SGO2: variants seen among roughly 807,000 people sequenced by gnomAD.
The protein encoded by SGO2 is shugoshin-like 2.
In SGO2, 68 loss-of-function variants were observed where a neutral mutation model predicts 99.5. That is an observed-to-expected ratio of 0.68 (90% CI 0.56 to 0.84). SGO2 has a LOEUF of 0.84. Ranked by LOEUF, SGO2 falls within the 40% of genes least tolerant of loss-of-function variation. SGO2 has a pLI of 0.00. For missense variants in SGO2, 1,350 were observed against 1,436.7 expected (o/e 0.94, Z 0.97); for synonymous variants, 457 against 487.1 (o/e 0.94, Z 0.81).
intron 2 of SGO2, chr2:200,533,433 T>C: frequency 4.7e-6 from 1 of 210,826 alleles, no homozygotes; most frequent in Non-Finnish European, 9.5e-6. Context: ...TGTTCTGGCA[T>C]GTTGTGGCAA....
chr2:200,554,640 C>G (rs1251730209), intron 5 of SGO2, among the ~76,000 whole-genome samples: 2 of 152,148 alleles, frequency 1.3e-5, no homozygotes, highest in African/African-American at 4.8e-5. Flanking sequence ...ATAACATACA[C>G]TAAGCCATAT....
rs777061908 is a variant in SGO2 at position 200,572,022 on chromosome 2, A to C, written c.1676A>C (p.Tyr559Ser). Residue 559 changes from tyrosine (Y) to serine (S), a missense_variant, in exon 7 of 9, where the codon TAT (tyrosine) becomes TCT (serine). Coordinates refer to ENST00000357799, the MANE Select transcript of SGO2 (RefSeq NM_152524.6). ...LPNQKDKVTI[Y>S]ENLDVTNEFH... ...AACCAAAAGGATAAAGTAACCATTT[A>C]TGAAAACCTAGACGTCACAAATGAA... 1.2e-6 allele frequency: 2 copies of C among 1,612,496 alleles called. No homozygotes were observed. The highest frequency in any genetic ancestry group is 1.3e-5 in the African/African-American group (1 of 74,874).
intron 8 of SGO2, among the ~76,000 whole-genome samples, chr2:200,582,913 G>A (rs2033886739): frequency 6.6e-6 from 1 of 152,058 alleles, no homozygotes; most frequent in Non-Finnish European, 1.5e-5. Flanking sequence ...TTTATATAAA[G>A]ATATCTATCA....
intron 5 of SGO2, among the ~76,000 whole-genome samples, chr2:200,563,526 TG>T (rs1460230135): frequency 3.9e-5 from 6 of 152,178 alleles, no homozygotes; most frequent in African/African-American, 1.4e-4. Context: ...TTTCTTTTTT[TG>T]TTGTGTCTCT....
chr2:200,538,489 T>G (rs1574838932), intron 4 of SGO2, among the ~76,000 whole-genome samples: 2 of 152,194 alleles, frequency 1.3e-5, no homozygotes, highest in African/African-American at 4.8e-5. Flanking sequence ...ATCTTTCTCC[T>G]TAACACTTAA....
At chr2:200,540,446 G>A (rs540567508) in intron 4 of SGO2, among the ~76,000 whole-genome samples, 1 of 152,190 alleles carries the variant, frequency 6.6e-6, no homozygotes, top group East Asian at 1.9e-4. Flanking sequence ...CAACACTGTG[G>A]TGGGCATAAC....
At chr2:200,563,580 G>T (rs1291120510) in intron 5 of SGO2, among the ~76,000 whole-genome samples, 3 of 152,200 alleles carry the variant, frequency 2.0e-5, no homozygotes, top group Non-Finnish European at 2.9e-5. Context: ...CATAAAATGA[G>T]TTAGGGAGGA....
At chr2:200,567,016 C>G (rs186175036) in intron 5 of SGO2, among the ~76,000 whole-genome samples, 2 of 152,338 alleles carry the variant, frequency 1.3e-5, no homozygotes, top group Admixed American at 6.5e-5. Flanking sequence ...CCTTGCACTT[C>G]CCAGGTGAGG....
chr2:200,542,543 TA>T (rs748490710), intron 4 of SGO2, 35 bp from the exon 5 acceptor site: 2 of 1,526,480 alleles, frequency 1.3e-6, no homozygotes, highest in African/African-American at 2.8e-5. Context: ...TTAATAAGGT[TA>T]GAAACTTTGT....
rs1415201946 is a variant in SGO2, at chr2:200,583,877, G to C, written c.*413G>C. 2 of 152,790 alleles carry C rather than the reference G, an allele frequency of 1.3e-5. No homozygotes were observed. The highest frequency in any genetic ancestry group is 2.9e-5 in the Non-Finnish European group (2 of 68,512). The allele number at this position is 152,790 out of a possible 1,614,324, so 9.5% of individuals were successfully genotyped here. ...TGTGGACATCCAAAAGGGTTTAAAA[G>C]CCACCTCCTGCCCTGGCCCGTTTTC... On this transcript the variant is annotated 3_prime_UTR_variant, in exon 9 of 9. Coordinates refer to ENST00000357799, the MANE Select transcript of SGO2 (RefSeq NM_152524.6).
chr2:200,558,704 T>G (rs2032816984), intron 5 of SGO2, among the ~76,000 whole-genome samples: 1 of 151,984 alleles, frequency 6.6e-6, no homozygotes, highest in African/African-American at 2.4e-5. Flanking sequence ...TTTTTCTGTT[T>G]TATGGCAGCA....
At chr2:200,550,873 C>T (rs991601469) in intron 5 of SGO2, among the ~76,000 whole-genome samples, 3 of 151,538 alleles carry the variant, frequency 2.0e-5, no homozygotes, top group Non-Finnish European at 4.4e-5. Context: ...TGCACAGCAA[C>T]GGAAACAATC....
chr2:200,554,423 A>G (rs1335171151), intron 5 of SGO2, among the ~76,000 whole-genome samples: 2 of 152,190 alleles, frequency 1.3e-5, no homozygotes, highest in Non-Finnish European at 2.9e-5. Flanking sequence ...CAATCTCCAA[A>G]GTTACTAGAA....
At position 200,573,765 on chromosome 2, in the gene SGO2, C is replaced by T; in HGVS notation, c.3419C>T (p.Ser1140Phe). The change falls in exon 7 of 9, where the codon TCT becomes TTT. Residue 1140 changes from serine (S) to phenylalanine (F), a missense_variant. Ser to Phe is a radical substitution (Grantham distance 155). Transcript: ENST00000357799. ...TACACAAAGGCATTTAGATCTTTGT[C>T]TGAGATACATTCACCTAACATACAA... Reference protein sequence around the residue: ...DFYTKAFRSLSEIHSPNIQDS... With the variant: ...DFYTKAFRSLFEIHSPNIQDS... 6.2e-7 allele frequency: 1 copy of T among 1,611,824 alleles called. No homozygotes were observed. Among genetic ancestry groups the T allele is most frequent in the East Asian group, 2.2e-5 (1 of 44,838 alleles).
Position 200,570,078 on chromosome 2 carries a change from C to A in SGO2, c.703+186C>A. On this transcript the variant is annotated intron_variant, in intron 6 of 8. Transcript: ENST00000357799. This position sits in a 1 kb window ranked among gnomAD's most constrained non-coding sequence, Gnocchi z 4.4. ...TTAAAGTAAATATGCTGACAAACAT[C>A]ACACCCACAGTGGCCTAATACTGTT... is the stretch of plus-strand genomic sequence containing the variant. 1.8e-6 allele frequency: 1 copy of A among 547,870 alleles called. No individual in the cohort carries two copies. The highest frequency in any genetic ancestry group is 3.2e-6 in the Non-Finnish European group (1 of 312,010). The allele number at this position is 547,870 out of a possible 1,614,324, so 33.9% of individuals were successfully genotyped here.
In SGO2 at chr2:200,571,165, G is replaced by A; in HGVS notation, c.819G>A (p.Arg273=). The A allele has an allele frequency of 1.9e-6, 3 of 1,613,702 alleles. No homozygotes were observed. The highest frequency in any genetic ancestry group is 2.5e-6 in the Non-Finnish European group (3 of 1,179,688). The part of the protein sequence containing the change: ...EKPSPSNVTE[R]KKRGSSWESN... Reference sequence around the variant, plus strand: ...CATCTCCTAGTAATGTGACTGAAAGGAAGAAGCGTGGGTCATCTTGGGAAT... The same window carrying A: ...CATCTCCTAGTAATGTGACTGAAAGAAAGAAGCGTGGGTCATCTTGGGAAT... Residue 273 remains arginine, a synonymous_variant, in exon 7 of 9, where the codon AGG becomes AGA. Transcript: ENST00000357799.
intron 5 of SGO2, among the ~76,000 whole-genome samples, chr2:200,557,901 G>A (rs2032783779): frequency 1.5e-5 from 2 of 132,378 alleles, no homozygotes; most frequent in Admixed American, 1.7e-4. Flanking sequence ...GTCTCACTCT[G>A]TCACCAAGCT....
chr2:200,552,444 C>T (rs1030302118), intron 5 of SGO2, among the ~76,000 whole-genome samples: 9 of 152,128 alleles, frequency 5.9e-5, no homozygotes, highest in Non-Finnish European at 7.4e-5. Context: ...ATGGCTACTC[C>T]ATAAGCAGAG....
intron 5 of SGO2, among the ~76,000 whole-genome samples, chr2:200,555,478 A>C (rs887993676): frequency 2.0e-5 from 3 of 152,224 alleles, no homozygotes; most frequent in Non-Finnish European, 4.4e-5. Flanking sequence ...AAAATGAGAA[A>C]TGCTACGGAA....
Sources: allele counts gnomAD v4.1 joint callset (sites outside exome capture counted in the v4.1 genomes callset), GRCh38; gene constraint gnomAD v4.1.1; non-coding constraint Gnocchi (gnomAD v3.1); transcripts MANE v1.5; gene names NCBI Gene and HGNC (gene_info 2026-07-23, HGNC 2026-07-21).